Variants in USH2A observed in about 807,000 individuals in gnomAD.
USH2A encodes the protein Usher syndrome 2A (autosomal recessive, mild).
USH2A carries 443 observed loss-of-function variants against 538.9 expected under a neutral mutation model. The observed-to-expected ratio is 0.82, with a 90% CI of 0.76 to 0.89. The LOEUF (loss-of-function observed/expected upper bound fraction) is 0.89, where lower values mean the gene tolerates loss of function less well. USH2A is among the 40% of genes least tolerant of loss of function. USH2A has a pLI of 0.00. For missense variants in USH2A, 6,633 were observed against 6,324.8 expected, an observed-to-expected ratio of 1.05 and a Z score of -1.65; for synonymous variants, 2,413 against 2,273.5, an observed-to-expected ratio of 1.06 and a Z score of -1.75.
chr1:216,097,289 C>T (rs1425666533), intron 21 of USH2A, 76 bp from the exon 22 acceptor site: 23 of 1,610,050 alleles, frequency 1.4e-5, no homozygotes, highest in Non-Finnish European at 2.0e-5. Flanking sequence ...CATTTACTTT[C>T]ATTATTATTT....
At chr1:216,408,341 A>G (rs1253851283) in intron 3 of USH2A, among the ~76,000 whole-genome samples, 1 of 152,142 alleles carries the variant, frequency 6.6e-6, no homozygotes. Context: ...GCGTATACAT[A>G]TATTGCGCAT....
At chr1:216,315,210 T>C (rs909341645) in intron 9 of USH2A, among the ~76,000 whole-genome samples, 1 of 152,164 alleles carries the variant, frequency 6.6e-6, no homozygotes. Flanking sequence ...ATGAGCTTAA[T>C]ATATACACTT....
At chr1:216,138,640 G>A (rs1448308271) in intron 21 of USH2A, among the ~76,000 whole-genome samples, 1 of 152,016 alleles carries the variant, frequency 6.6e-6, no homozygotes, top group Admixed American at 6.6e-5. Context: ...TCACTTGATG[G>A]ACTTTTAATT....
intron 61 of USH2A, among the ~76,000 whole-genome samples, chr1:215,718,650 A>G (rs1458597763): frequency 6.6e-6 from 1 of 152,212 alleles, no homozygotes; most frequent in Non-Finnish European, 1.5e-5. Flanking sequence ...GCTGTGAACC[A>G]TAAAAAAATT....
chr1:216,079,683 C>G (rs2031869825), intron 26 of USH2A, among the ~76,000 whole-genome samples: 1 of 152,052 alleles, frequency 6.6e-6, no homozygotes, highest in Non-Finnish European at 1.5e-5. Context: ...ATATTCTTCC[C>G]AGTATTACCT....
intron 27 of USH2A, among the ~76,000 whole-genome samples, chr1:216,075,690 G>A (rs2031723999): frequency 6.6e-6 from 1 of 152,148 alleles, no homozygotes; most frequent in Admixed American, 6.5e-5. Flanking sequence ...ACCCAGTCAT[G>A]CCCAACCTAG....
chr1:215,962,036 AAC>A (rs1473197913), intron 37 of USH2A, among the ~76,000 whole-genome samples: 1 of 152,052 alleles, frequency 6.6e-6, no homozygotes, highest in Non-Finnish European at 1.5e-5. Flanking sequence ...AAAAAAAAGA[AAC>A]ACAGTTTTTA....
chr1:215,971,053 T>C (rs1178120112), intron 35 of USH2A, among the ~76,000 whole-genome samples: 2 of 152,200 alleles, frequency 1.3e-5, no homozygotes, highest in African/African-American at 4.8e-5. Context: ...ACTGTTGTCA[T>C]GTGTGTTCCA....
chr1:215,792,575 A>C (rs1662010426), intron 50 of USH2A, among the ~76,000 whole-genome samples: 1 of 152,198 alleles, frequency 6.6e-6, no homozygotes, highest in Non-Finnish European at 1.5e-5. Flanking sequence ...TGAAGACTGC[A>C]TCCATCACTG....
At chr1:216,262,131 G>A (rs1203677320) in intron 11 of USH2A, among the ~76,000 whole-genome samples, 1 of 152,002 alleles carries the variant, frequency 6.6e-6, no homozygotes, top group Non-Finnish European at 1.5e-5. Context: ...AGATGTGCAG[G>A]TATCAATGTA....
chr1:215,931,677 C>T lies in USH2A; in HGVS notation c.7300+2939G>A, dbSNP rs550778415. Reference sequence around the variant, plus strand: ...AATAAGCTTAAAATTTAAAACAAGTCGTTAAGCAATCTTGACTAATTTATT... The same window carrying T: ...AATAAGCTTAAAATTTAAAACAAGTTGTTAAGCAATCTTGACTAATTTATT... On this transcript the variant is annotated intron_variant, in intron 38 of 71. Transcript: ENST00000307340. Among the ~76,000 whole-genome samples, 13 of 152,062 alleles carry T rather than the reference C, an allele frequency of 8.5e-5. 1 individual carries two copies. In the South Asian group the frequency reaches 1.0e-3, roughly 12 times the overall value.
In USH2A at chr1:216,006,283, C is replaced by T. The variant is rs140150854; in HGVS notation, c.6326-5721G>A. 7.7e-4 allele frequency among the ~76,000 whole-genome samples: 117 copies of T among 152,310 alleles called. 1 individual carries two copies. Among genetic ancestry groups the T allele is most frequent in the South Asian group, 2.5e-3 (12 of 4,828 alleles). On this transcript the variant is annotated intron_variant, in intron 32 of 71. Transcript: ENST00000307340. ...ACCACAAACTGGTTACTTCCCACCT[C>T]TTCCACTTGTCACATCAATGCAATC...
chr1:216,308,794 CTT>C (rs2037365596), intron 9 of USH2A, among the ~76,000 whole-genome samples: 1 of 152,158 alleles, frequency 6.6e-6, no homozygotes, highest in Admixed American at 6.5e-5. Context: ...CAATAAGCCT[CTT>C]TTTCTTTAAT....
rs10560983 is a variant in USH2A, at chr1:216,135,134, ACTCTCTCTCTCTCT to A, written c.4628-37935_4628-37922del. On this transcript the variant is annotated intron_variant, in intron 21 of 71. Coordinates refer to ENST00000307340, the MANE Select transcript of USH2A (RefSeq NM_206933.4). Reference sequence around the variant, plus strand: ...ATTAATATCTGTCTTGGAGCCTGAAACTCTCTCTCTCTCTCTCTCTCTCTCTCTCTCTCACACAC... The same window carrying A: ...ATTAATATCTGTCTTGGAGCCTGAAACTCTCTCTCTCTCTCTCTCACACAC... Among the ~76,000 whole-genome samples the A allele has an allele frequency of 6.6e-5, 8 of 120,934 alleles. No individual in the cohort carries two copies. The East Asian group carries it at 8.2e-4, about 12-fold the overall frequency. The allele number at this position is 120,934 out of a possible 152,430, so 79.3% of individuals were successfully genotyped here.
At chr1:216,032,632 A>T (rs1176533138) in intron 32 of USH2A, among the ~76,000 whole-genome samples, 1 of 152,186 alleles carries the variant, frequency 6.6e-6, no homozygotes, top group Non-Finnish European at 1.5e-5. Context: ...GTGCAAACTA[A>T]CTACGAGCAA....
intron 21 of USH2A, among the ~76,000 whole-genome samples, chr1:216,117,930 T>C (rs2102591631): frequency 6.6e-6 from 1 of 151,452 alleles, no homozygotes; most frequent in Admixed American, 6.6e-5. Flanking sequence ...GTATTCCTCC[T>C]CCAAAGGAGT....
At chr1:215,814,614 G>A (rs190627821) in intron 48 of USH2A, among the ~76,000 whole-genome samples, 115 of 151,994 alleles carry the variant, frequency 7.6e-4, no homozygotes, top group African/African-American at 2.7e-3. Flanking sequence ...TCTCCCCTTC[G>A]CTCTCTCTCC....
intron 21 of USH2A, among the ~76,000 whole-genome samples, chr1:216,117,109 A>G (rs1263100091): frequency 6.6e-6 from 1 of 152,102 alleles, no homozygotes; most frequent in Non-Finnish European, 1.5e-5. Context: ...CTAGAATGAC[A>G]CTTTGTCTTT....
chr1:216,012,889 C>A (rs538638213), intron 32 of USH2A, among the ~76,000 whole-genome samples: 2,481 of 152,180 alleles, frequency 0.016, 27 homozygotes, highest in Non-Finnish European at 0.025. Context: ...CCCAAAAAAA[C>A]TTGTCATCCC....
Sources: allele counts gnomAD v4.1 joint callset (sites outside exome capture counted in the v4.1 genomes callset), GRCh38; gene constraint gnomAD v4.1.1; transcripts MANE v1.5; gene names NCBI Gene and HGNC (gene_info 2026-07-23, HGNC 2026-07-21).